The following CLMP variants were observed in gnomAD, a reference collection of about 807,000 sequenced individuals.
CLMP encodes CXADR-like membrane protein.
A neutral mutation model predicts 45.2 loss-of-function variants in CLMP; 27 were observed. That is an observed-to-expected ratio of 0.60 (90% CI 0.44 to 0.82). CLMP has a LOEUF of 0.82. CLMP is among the 40% of genes least tolerant of loss of function. CLMP has a pLI of 0.00. For synonymous variants in CLMP, 167 were observed against 171.4 expected (o/e 0.97, Z 0.20); for missense variants, 403 against 448.4 (o/e 0.90, Z 0.91).
At chr11:123,107,811 T>TG (rs1198386926) in intron 1 of CLMP, among the ~76,000 whole-genome samples, 1 of 152,086 alleles carries the variant, frequency 6.6e-6, no homozygotes, top group African/African-American at 2.4e-5. Context: ...CTATTTTTTT[T>TG]TTGTTGTACC....
chr11:123,181,543 C>T (rs1861769869), intron 1 of CLMP, among the ~76,000 whole-genome samples: 1 of 152,140 alleles, frequency 6.6e-6, no homozygotes, highest in South Asian at 2.1e-4. Context: ...CAATGAATTC[C>T]ATTCCGTCCT....
intron 1 of CLMP, among the ~76,000 whole-genome samples, chr11:123,129,364 T>G (rs1182885483): frequency 8.8e-6 from 1 of 113,060 alleles, no homozygotes; most frequent in Non-Finnish European, 1.8e-5. Context: ...ATATGATATA[T>G]TATATAAAAT....
At chr11:123,101,143 C>G (rs1866054062) in intron 1 of CLMP, among the ~76,000 whole-genome samples, 1 of 152,234 alleles carries the variant, frequency 6.6e-6, no homozygotes, top group African/African-American at 2.4e-5. Flanking sequence ...GAGTCTCGCT[C>G]TGTCACCCAG....
At chr11:123,126,013 C>T (rs1860889868) in intron 1 of CLMP, among the ~76,000 whole-genome samples, 1 of 152,140 alleles carries the variant, frequency 6.6e-6, no homozygotes, top group Non-Finnish European at 1.5e-5. Context: ...CTTAGCCACA[C>T]CCACCATGTG....
intron 1 of CLMP, among the ~76,000 whole-genome samples, chr11:123,171,447 C>CTTTTCT (rs1555086712): frequency 1.3e-3 from 171 of 136,404 alleles, no homozygotes; most frequent in East Asian, 2.6e-3. Flanking sequence ...CTTTTCTTTT[C>CTTTTCT]TTTTTTTTTT....
intron 1 of CLMP, among the ~76,000 whole-genome samples, chr11:123,128,980 C>T (rs1302877165): frequency 6.6e-6 from 1 of 152,098 alleles, no homozygotes; most frequent in Non-Finnish European, 1.5e-5. Flanking sequence ...ATAATTAGCA[C>T]AGCCGGTGTT....
intron 1 of CLMP, among the ~76,000 whole-genome samples, chr11:123,186,389 G>A (rs555791528): frequency 1.3e-5 from 2 of 152,266 alleles, no homozygotes; most frequent in Admixed American, 6.5e-5. Flanking sequence ...CAAGAGGGTA[G>A]AACCCAGGAA....
At chr11:123,167,487 G>A (rs999669670) in intron 1 of CLMP, among the ~76,000 whole-genome samples, 4 of 152,028 alleles carry the variant, frequency 2.6e-5, no homozygotes, top group African/African-American at 9.7e-5. Flanking sequence ...GGGTTTCACT[G>A]TGTTAACCAG....
At chr11:123,136,205 C>T (rs980558574) in intron 1 of CLMP, 5 of 642,746 alleles carry the variant, frequency 7.8e-6, no homozygotes, top group East Asian at 3.8e-5. Context: ...TGCAAACCAG[C>T]CAGGAACACC....
intron 2 of CLMP, among the ~76,000 whole-genome samples, chr11:123,089,267 C>G (rs972684446): frequency 3.3e-5 from 5 of 151,946 alleles, no homozygotes; most frequent in African/African-American, 1.2e-4. Context: ...TGCCTGTAGT[C>G]CCAGCTACTC....
chr11:123,133,815 G>A (rs1009606507), intron 1 of CLMP, among the ~76,000 whole-genome samples: 3 of 152,094 alleles, frequency 2.0e-5, no homozygotes, highest in East Asian at 1.9e-4. Context: ...GAATCTGAGC[G>A]GGGAGGCCTT....
chr11:123,176,543 G>T lies in CLMP; in HGVS notation c.28+18370C>A, dbSNP rs115546397. Among the ~76,000 whole-genome samples, 1,222 of 152,310 alleles carry T rather than the reference G, an allele frequency of 8.0e-3. 21 individuals are homozygous for T. Among genetic ancestry groups the T allele is most frequent in the African/African-American group, 0.028 (1,168 of 41,550 alleles). On this transcript the variant is annotated intron_variant, in intron 1 of 6. Coordinates refer to ENST00000448775, the MANE Select transcript of CLMP (RefSeq NM_024769.5). The stretch of plus-strand genomic sequence containing the variant: ...TTGAGACTGAGCCAGTGGGACCCTA[G>T]TTGCTGAGATTCCACCCCCATGCTG...
chr11:123,160,120 A>G (rs2135532602), intron 1 of CLMP, among the ~76,000 whole-genome samples: 1 of 152,000 alleles, frequency 6.6e-6, no homozygotes, highest in South Asian at 2.1e-4. Context: ...CTCTACTAAA[A>G]AATACGAAAA....
chr11:123,114,769 C>T (rs1860697446), intron 1 of CLMP, among the ~76,000 whole-genome samples: 2 of 152,128 alleles, frequency 1.3e-5, no homozygotes, highest in Admixed American at 1.3e-4. Context: ...GATTTATATT[C>T]ATTTCCATTT....
chr11:123,112,180 A>G (rs989177572), intron 1 of CLMP, among the ~76,000 whole-genome samples: 1 of 152,116 alleles, frequency 6.6e-6, no homozygotes, highest in Admixed American at 6.6e-5. Context: ...GGCTCTTTCA[A>G]GCTTAAAGTT....
chr11:123,083,723 C>G lies in CLMP; in HGVS notation c.513G>C (p.Glu171Asp), dbSNP rs1304925545. The G allele has an allele frequency of 5.0e-6, 8 of 1,614,002 alleles. No homozygotes were observed. Among genetic ancestry groups the G allele is most frequent in the Non-Finnish European group, 6.8e-6 (8 of 1,180,032 alleles). Residue 171 changes from glutamate (E) to aspartate (D), a missense_variant, in exon 4 of 7, where the codon GAG (glutamate) becomes GAC (aspartate). Glu to Asp is a conservative substitution (Grantham distance 45, BLOSUM62 2). Transcript: ENST00000448775. The stretch of plus-strand genomic sequence containing the variant: ...GCAGACGTTCATCCTCTCCCTCTTT[C>G]TCTCGGATTCGCTGCCAGTAATACA... ...PIVYYWQRIR[E>D]KEGEDERLPP... is the part of the protein sequence containing the mutation.
intron 1 of CLMP, among the ~76,000 whole-genome samples, chr11:123,128,182 A>T (rs1208350484): frequency 6.6e-6 from 1 of 151,670 alleles, no homozygotes; most frequent in Admixed American, 6.6e-5. Context: ...ATTTCAGGAG[A>T]TGAAGAATGA....
chr11:123,088,749 T>C (rs7130164), intron 2 of CLMP, among the ~76,000 whole-genome samples: 52,006 of 152,034 alleles, frequency 0.34, 10,200 homozygotes, highest in East Asian at 0.58. Context: ...TCTCAGCCTC[T>C]CAAGTAGCCG....
intron 1 of CLMP, among the ~76,000 whole-genome samples, chr11:123,181,123 G>A (rs969321747): frequency 6.6e-6 from 1 of 152,202 alleles, no homozygotes; most frequent in Non-Finnish European, 1.5e-5. Context: ...GACCTCTATA[G>A]CAGAGAGGGA....
Sources: gnomAD v4.1 joint callset for allele counts (sites outside exome capture counted in the v4.1 genomes callset) on GRCh38, gnomAD v4.1.1 for gene constraint, MANE v1.5 for transcripts, NCBI Gene and HGNC (gene_info 2026-07-23, HGNC 2026-07-21) for gene names.